Variants in WWP1 observed in about 807,000 individuals in gnomAD.
WWP1 encodes the protein WW domain containing E3 ubiquitin protein ligase 1, also known as NEDD4-like E3 ubiquitin-protein ligase WWP1.
In WWP1, 49 loss-of-function variants were observed where a neutral mutation model predicts 130.6. The ratio of observed to expected loss-of-function variants is 0.38; its 90% confidence interval spans 0.30 to 0.48. The LOEUF is 0.48. WWP1 is among the 20% of genes least tolerant of loss of function. The pLI is 0.99. For synonymous variants in WWP1, 332 were observed against 367.8 expected (o/e 0.90, Z 1.11); for missense variants, 809 against 1,100.6 (o/e 0.74, Z 3.75).
At chr8:86,360,701 G>A (rs1317698956) in intron 1 of WWP1, among the ~76,000 whole-genome samples, 2 of 152,204 alleles carry the variant, frequency 1.3e-5, no homozygotes, top group African/African-American at 4.8e-5. Context: ...GAATAGAATG[G>A]TAAATAAGAT....
intron 5 of WWP1, among the ~76,000 whole-genome samples, chr8:86,385,284 G>A (rs917336222): frequency 1.3e-5 from 2 of 152,170 alleles, no homozygotes. Context: ...ATGTTCTGCA[G>A]TGTGTCTGTG....
chr8:86,455,511 G>A (rs1317622850), intron 21 of WWP1, among the ~76,000 whole-genome samples: 4 of 151,944 alleles, frequency 2.6e-5, no homozygotes, highest in East Asian at 3.9e-4. Context: ...AAAATCAATC[G>A]TATTTTTATG....
At chr8:86,454,891 GTTAAGAGTGCTAATCAA>G (rs1289994008) in intron 21 of WWP1, among the ~76,000 whole-genome samples, 4 of 152,076 alleles carry the variant, frequency 2.6e-5, no homozygotes, top group African/African-American at 7.2e-5. Flanking sequence ...TAAGAGTACA[GTTAAGAGTGCTAATCAA>G]TTAAGAGTGC....
chr8:86,355,472 G>A (rs968390538), intron 1 of WWP1, among the ~76,000 whole-genome samples: 12 of 152,154 alleles, frequency 7.9e-5, no homozygotes, highest in African/African-American at 2.9e-4. Flanking sequence ...AAGGAAAAAA[G>A]TCGTTAAGCA....
At chr8:86,417,796 C>T (rs937836522) in intron 9 of WWP1, among the ~76,000 whole-genome samples, 16 of 152,006 alleles carry the variant, frequency 1.1e-4, no homozygotes, top group South Asian at 4.2e-4. Context: ...TTAAGCTCAC[C>T]ACTGAGAATG....
At chr8:86,436,300 C>G (rs1382551555) in intron 16 of WWP1, among the ~76,000 whole-genome samples, 1 of 152,142 alleles carries the variant, frequency 6.6e-6, no homozygotes, top group African/African-American at 2.4e-5. Context: ...ATAATGCTAT[C>G]AAATTAAAAT....
intron 11 of WWP1, among the ~76,000 whole-genome samples, chr8:86,429,133 A>G (rs1167002878): frequency 3.3e-5 from 5 of 152,168 alleles, no homozygotes; most frequent in East Asian, 3.9e-4. Context: ...ACTCTGCACT[A>G]TGGGCCTCAC....
rs757334475 is a variant in WWP1 at position 86,448,260 on chromosome 8, A to G, written c.2111A>G (p.Tyr704Cys). Residue 704 changes from tyrosine (Y) to cysteine (C), a missense_variant, in exon 19 of 25, where the codon TAT (tyrosine) becomes TGT (cysteine). Around this residue, in one of 3 missense-constraint regions of WWP1, gnomAD observed 450 missense variants for 674.2 expected, o/e 0.67. Coordinates refer to ENST00000517970, the MANE Select transcript of WWP1 (RefSeq NM_007013.4). ...TTGGAATCTATTGATACTGAATTTTATAACTCCCTTATCTGGATAAGGTTT... is the reference window on the plus strand; with the variant it reads ...TTGGAATCTATTGATACTGAATTTTGTAACTCCCTTATCTGGATAAGGTTT... ...KDLESIDTEF[Y>C]NSLIWIRDNN... The G allele has an allele frequency of 3.8e-6, 6 of 1,582,728 alleles. No individual in the cohort carries two copies. The highest frequency in any genetic ancestry group is 2.4e-5 in the South Asian group (2 of 84,106).
At chr8:86,452,443 G>T in intron 20 of WWP1, 116 bp from the exon 21 acceptor site, 1 of 858,812 alleles carries the variant, frequency 1.2e-6, no homozygotes. Context: ...ACATTTATAT[G>T]TTTATATATA....
chr8:86,428,882 A>G (rs1239193222), intron 11 of WWP1, among the ~76,000 whole-genome samples: 1 of 152,228 alleles, frequency 6.6e-6, no homozygotes, highest in Non-Finnish European at 1.5e-5. Context: ...ATCTGTACAC[A>G]TGAAAACCTT....
At chr8:86,366,623 TTA>T (rs1823986343) in intron 1 of WWP1, among the ~76,000 whole-genome samples, 3 of 152,178 alleles carry the variant, frequency 2.0e-5, no homozygotes, top group African/African-American at 7.2e-5. Context: ...TCTAACAGAA[TTA>T]TATTTTTATA....
chr8:86,372,684 C>T (rs1006683227), intron 2 of WWP1, among the ~76,000 whole-genome samples: 5 of 151,982 alleles, frequency 3.3e-5, no homozygotes, highest in African/African-American at 1.2e-4. Flanking sequence ...TCCCTCTTTT[C>T]TCATGGATCT....
Position 86,451,130 on chromosome 8 carries a change from T to C in WWP1, c.2274-1429T>C, listed in dbSNP as rs929930420. 2.1e-5 allele frequency among the ~76,000 whole-genome samples: 3 copies of C among 144,192 alleles called. No individual in the cohort carries two copies. In the East Asian group the frequency reaches 6.1e-4, roughly 29 times the overall value. The allele number at this position is 144,192 out of a possible 152,430, so 94.6% of individuals were successfully genotyped here. A position where few individuals can be genotyped will look rare whatever the true frequency, so the allele number is the denominator to read the frequency against. On this transcript the variant is annotated intron_variant, in intron 20 of 24. Transcript: ENST00000517970. Reference sequence around the variant, plus strand: ...TGTGCACTTGTAGTCCCAGCCACTATGGAGACTGAGGTGGGAAGATCACCT... The same window carrying C: ...TGTGCACTTGTAGTCCCAGCCACTACGGAGACTGAGGTGGGAAGATCACCT...
rs777237450 is a variant in WWP1, at chr8:86,398,323, A to G, written c.335-19A>G. ...TATATGTGGCAAAAGCTTTTAAATT[A>G]GAATATTCTTCTTTCTAGTGGAAAG... On this transcript the variant is annotated intron_variant, in intron 5 of 24. Coordinates refer to ENST00000517970, the MANE Select transcript of WWP1 (RefSeq NM_007013.4). 23 of 1,562,576 alleles carry G rather than the reference A, an allele frequency of 1.5e-5. No homozygotes were observed. The highest frequency in any genetic ancestry group is 2.4e-4 in the Middle Eastern group (1 of 4,214).
At chr8:86,441,345 A>G (rs1015024901) in intron 17 of WWP1, among the ~76,000 whole-genome samples, 13 of 152,314 alleles carry the variant, frequency 8.5e-5, no homozygotes, top group African/African-American at 2.6e-4. Context: ...ATTGGTGTTT[A>G]CTATTTCTAG....
intron 1 of WWP1, among the ~76,000 whole-genome samples, chr8:86,366,666 A>T (rs918807360): frequency 7.9e-5 from 12 of 152,168 alleles, no homozygotes; most frequent in Non-Finnish European, 1.2e-4. Flanking sequence ...TTTCTTTGAG[A>T]TACATCAAGA....
At chr8:86,352,850 A>T (rs1823019089) in intron 1 of WWP1, among the ~76,000 whole-genome samples, 1 of 152,234 alleles carries the variant, frequency 6.6e-6, no homozygotes, top group South Asian at 2.1e-4. Context: ...CTGCAAAGAG[A>T]TGTCCATTAG....
intron 3 of WWP1, among the ~76,000 whole-genome samples, chr8:86,377,982 T>C (rs1824769233): frequency 6.6e-6 from 1 of 152,210 alleles, no homozygotes; most frequent in Non-Finnish European, 1.5e-5. Context: ...TATCTTCCCA[T>C]TGATTTGAAA....
intron 18 of WWP1, among the ~76,000 whole-genome samples, chr8:86,444,051 T>C (rs1312120747): frequency 2.0e-5 from 3 of 152,292 alleles, no homozygotes; most frequent in Middle Eastern, 3.4e-3. Flanking sequence ...CAGACTATAA[T>C]TGGGGGCATA....
Sources: allele counts gnomAD v4.1 joint callset (sites outside exome capture counted in the v4.1 genomes callset), GRCh38; gene constraint gnomAD v4.1.1; regional missense constraint gnomAD v4.1.1; transcripts MANE v1.5; gene names NCBI Gene and HGNC (gene_info 2026-07-23, HGNC 2026-07-21).